JAKMIP3: variants seen among roughly 807,000 people sequenced by gnomAD.
JAKMIP3 encodes janus kinase and microtubule-interacting protein 3.
In JAKMIP3, 58 loss-of-function variants were observed where a neutral mutation model predicts 118.5. The observed-to-expected ratio is 0.49, with a 90% CI of 0.40 to 0.61. The LOEUF is 0.61. Ranked by LOEUF, JAKMIP3 falls within the 20% of genes least tolerant of loss-of-function variation. The pLI, the probability that JAKMIP3 is intolerant of heterozygous loss-of-function variation, is 0.00. For missense variants in JAKMIP3, 950 were observed against 1,109.0 expected, an observed-to-expected ratio of 0.86 and a Z score of 2.04; for synonymous variants, 486 against 451.2, an observed-to-expected ratio of 1.08 and a Z score of -0.98.
intron 2 of JAKMIP3, among the ~76,000 whole-genome samples, chr10:132,110,440 C>T (rs956825028): frequency 2.0e-5 from 3 of 152,268 alleles, no homozygotes; most frequent in African/African-American, 7.2e-5. Context: ...TGTGCTGTCA[C>T]GTGGTGGTTA....
rs2047920103 is a variant in JAKMIP3, at chr10:132,117,648, TGGGCGAGGGTGCAGGC to T, written c.633+76_633+91del. The T allele has an allele frequency of 9.9e-6, 11 of 1,110,760 alleles. No individual in the cohort carries two copies. The South Asian group carries it at 2.7e-4, about 27-fold the overall frequency. 68.8% of individuals were successfully genotyped at this position (1,110,760 alleles called of 1,614,324 possible). ...GTGGGCGAGGGTGCAGGGGCGGGCG[TGGGCGAGGGTGCAGGC>T]GTGGGCTCGGGGAGCACGCGGGCAG... On this transcript the variant is annotated intron_variant, in intron 3 of 23. Coordinates refer to ENST00000684848, the MANE Select transcript of JAKMIP3 (RefSeq NM_001323087.2). This position sits in a 1 kb window ranked among gnomAD's most constrained non-coding sequence, Gnocchi z 8.6.
rs1329793974 is a variant in JAKMIP3, at chr10:132,180,630, TGTGC to T, written c.*1104-1719_*1104-1716del. On this transcript the variant is annotated intron_variant, in intron 23 of 23. Coordinates refer to ENST00000684848, the MANE Select transcript of JAKMIP3 (RefSeq NM_001323087.2). ...GTGTGTGTGTGCGTGTGTGTGCGTG[TGTGC>T]GTGCGTGTGTGCGTGTGCGTGTGCG... 1.1e-3 allele frequency among the ~76,000 whole-genome samples: 40 copies of T among 37,096 alleles called. 11 individuals carry two copies. The highest frequency in any genetic ancestry group is 1.6e-3 in the East Asian group (1 of 630). 24.3% of individuals were successfully genotyped at this position (37,096 alleles called of 152,430 possible).
In JAKMIP3 at chr10:132,180,584, C is replaced by CGT. The variant is rs1485915300; in HGVS notation, c.*1104-1772_*1104-1771insTG. Among the ~76,000 whole-genome samples, 70 of 9,858 alleles carry CGT rather than the reference C, an allele frequency of 7.1e-3. 18 individuals are homozygous for CGT. The highest frequency in any genetic ancestry group is 0.022 in the African/African-American group (48 of 2,186). The allele number at this position is 9,858 out of a possible 152,430, so 6.5% of individuals were successfully genotyped here. A position where few individuals can be genotyped will look rare whatever the true frequency, so the allele number is the denominator to read the frequency against. On this transcript the variant is annotated intron_variant, in intron 23 of 23. Coordinates refer to ENST00000684848, the MANE Select transcript of JAKMIP3 (RefSeq NM_001323087.2). ...GTGTGTGTGCGTGTGTGTGTGCGTG[C>CGT]GCGTGTGTGTGTGCGTGCGCGTGTG...
At chr10:132,086,091 A>AT (rs2042361604) in intron 1 of JAKMIP3, among the ~76,000 whole-genome samples, 1 of 151,978 alleles carries the variant, frequency 6.6e-6, no homozygotes, top group Admixed American at 6.6e-5. Context: ...GAATTTTTAA[A>AT]TTTTCATCTT....
chr10:132,109,131 CACAT>C (rs2046443936), intron 2 of JAKMIP3, among the ~76,000 whole-genome samples: 1 of 141,706 alleles, frequency 7.1e-6, no homozygotes, highest in East Asian at 2.2e-4. Context: ...TATACACACA[CACAT>C]ATATATATAT....
intron 19 of JAKMIP3, among the ~76,000 whole-genome samples, chr10:132,154,881 TG>T (rs2056833409): frequency 4.0e-5 from 4 of 99,724 alleles, no homozygotes; most frequent in Admixed American, 2.1e-4. Context: ...GTGGTGGTGA[TG>T]ATGATGGTGA....
chr10:132,159,598 G>GCTGGGGGGTCC (rs2057673583), intron 19 of JAKMIP3, among the ~76,000 whole-genome samples: 2 of 74,478 alleles, frequency 2.7e-5, no homozygotes, highest in Non-Finnish European at 5.3e-5. Flanking sequence ...CTGGGGGCAT[G>GCTGGGGGGTCC]TCTTCCTATG....
upstream of JAKMIP3, among the ~76,000 whole-genome samples, chr10:132,065,250 G>A (rs1422803895): frequency 6.6e-6 from 1 of 152,060 alleles, no homozygotes; most frequent in Non-Finnish European, 1.5e-5. This position sits in a 1 kb window ranked among gnomAD's most constrained non-coding sequence, Gnocchi z 5.6. Context: ...CGGCTTTTCC[G>A]GACGGTGATT....
intron 1 of JAKMIP3, among the ~76,000 whole-genome samples, chr10:132,037,088 C>CG (rs2037532892): frequency 6.6e-6 from 1 of 152,222 alleles, no homozygotes; most frequent in African/African-American, 2.4e-5. Context: ...GGGCGCCGTG[C>CG]GATTATTTTT....
chr10:132,048,932 G>C (rs1026782248), intron 1 of JAKMIP3, among the ~76,000 whole-genome samples: 1 of 152,004 alleles, frequency 6.6e-6, no homozygotes. Context: ...GAGCCACCGC[G>C]CCCGGCCTGG....
intron 1 of JAKMIP3, among the ~76,000 whole-genome samples, chr10:132,091,183 A>G (rs1424507302): frequency 1.3e-5 from 2 of 152,154 alleles, no homozygotes; most frequent in East Asian, 3.8e-4. Context: ...TTTGCTGAGG[A>G]GTGCTTTACT....
intron 1 of JAKMIP3, among the ~76,000 whole-genome samples, chr10:132,052,569 T>C (rs2038130970): frequency 6.6e-6 from 1 of 152,224 alleles, no homozygotes; most frequent in Admixed American, 6.5e-5. Context: ...TTCTCTGGGT[T>C]CTGCCTCTTT....
chr10:132,143,488 A>T (rs189686977), intron 11 of JAKMIP3, among the ~76,000 whole-genome samples: 11 of 152,344 alleles, frequency 7.2e-5, no homozygotes, highest in Admixed American at 5.9e-4. Context: ...CGGGGGCCAC[A>T]TGGAAGCAAA....
chr10:132,048,471 C>T (rs1841162912), intron 1 of JAKMIP3, among the ~76,000 whole-genome samples: 1 of 152,160 alleles, frequency 6.6e-6, no homozygotes, highest in East Asian at 1.9e-4. Context: ...ATACTTATTC[C>T]ATGGGCTAAA....
rs374055051 is a variant in JAKMIP3, at chr10:132,131,475, G to T, written c.634-1837G>T. Among the ~76,000 whole-genome samples, 157 of 151,136 alleles carry T rather than the reference G, an allele frequency of 1.0e-3. 1 individual carries two copies. Among genetic ancestry groups the T allele is most frequent in the South Asian group, 4.0e-3 (19 of 4,778 alleles). The stretch of plus-strand genomic sequence containing the variant: ...CCTAAGGGGTGAGGGTGTCGGGCCC[G>T]GGGAGATGGGAGCTCTGGGGCACCC... On this transcript the variant is annotated intron_variant, in intron 3 of 23. Transcript: ENST00000684848.
intron 3 of JAKMIP3, among the ~76,000 whole-genome samples, chr10:132,128,850 A>G (rs1732663493): frequency 6.6e-6 from 1 of 152,336 alleles, no homozygotes; most frequent in Non-Finnish European, 1.5e-5. Flanking sequence ...GTTAATTACA[A>G]TGATTTAAAA....
At chr10:132,058,517 C>T (rs949834603) in intron 1 of JAKMIP3, among the ~76,000 whole-genome samples, 1 of 152,198 alleles carries the variant, frequency 6.6e-6, no homozygotes, top group African/African-American at 2.4e-5. Flanking sequence ...CCATCTGCTG[C>T]GGAGCAGAGA....
intron 1 of JAKMIP3, among the ~76,000 whole-genome samples, chr10:132,057,240 C>T (rs558569225): frequency 1.2e-4 from 19 of 152,268 alleles, no homozygotes; most frequent in African/African-American, 3.9e-4. Flanking sequence ...TCGAAAGAGC[C>T]GGAGAGTGGG....
intron 19 of JAKMIP3, among the ~76,000 whole-genome samples, chr10:132,159,112 CTCTCCCCGTGTGATTCTGGGGGCGT>C (rs2057462994): frequency 1.7e-5 from 2 of 121,012 alleles, no homozygotes; most frequent in Non-Finnish European, 3.6e-5. Context: ...CTGGGGGCGT[CTCTCCCCGTGTGATTCTGGGGGCGT>C]CTCTCCTTGT....
Sources: gnomAD v4.1 joint callset for allele counts (sites outside exome capture counted in the v4.1 genomes callset) on GRCh38, gnomAD v4.1.1 for gene constraint, Gnocchi (gnomAD v3.1) non-coding constraint, MANE v1.5 for transcripts, NCBI Gene and HGNC (gene_info 2026-07-23, HGNC 2026-07-21) for gene names.